PTPRT: variants seen among roughly 807,000 people sequenced by gnomAD.
PTPRT encodes protein tyrosine phosphatase receptor type T, also known as receptor-type tyrosine-protein phosphatase T.
In PTPRT, 56 loss-of-function variants were observed where a neutral mutation model predicts 176.8. The observed-to-expected ratio is 0.32, with a 90% CI of 0.26 to 0.40. The LOEUF (loss-of-function observed/expected upper bound fraction) is 0.40. Among genes scored for constraint, PTPRT ranks in the 10% least tolerant of loss-of-function variants. PTPRT has a pLI of 1.00. For missense variants in PTPRT, 1,540 were observed against 1,908.2 expected, an observed-to-expected ratio of 0.81 and a Z score of 3.60; for synonymous variants, 783 against 739.0, an observed-to-expected ratio of 1.06 and a Z score of -0.96.
intron 27 of PTPRT, among the ~76,000 whole-genome samples, chr20:42,090,546 G>A (rs980495506): frequency 1.3e-4 from 20 of 152,148 alleles, no homozygotes; most frequent in African/African-American, 3.6e-4. Context: ...ATAATAGCAT[G>A]TAAAATGCAT....
chr20:42,362,816 A>G (rs1330490935), intron 9 of PTPRT, among the ~76,000 whole-genome samples: 1 of 152,170 alleles, frequency 6.6e-6, no homozygotes, highest in Non-Finnish European at 1.5e-5. Flanking sequence ...TTTTAAAATT[A>G]AATATTGAGC....
rs144082807 is a variant in PTPRT, at chr20:42,225,556, G to A, written c.2342+10673C>T. ...TTTGCCTTTTTAAGTTTTTTTCCTAGCATGCTATCAAATTAAGTTATGAAA... is the reference window on the plus strand; with the variant it reads ...TTTGCCTTTTTAAGTTTTTTTCCTAACATGCTATCAAATTAAGTTATGAAA... On this transcript the variant is annotated intron_variant, in intron 15 of 30. Transcript: ENST00000373187. 6.0e-3 allele frequency among the ~76,000 whole-genome samples: 905 copies of A among 151,956 alleles called. 11 individuals carry two copies. Among genetic ancestry groups the A allele is most frequent in the African/African-American group, 0.021 (855 of 41,420 alleles).
chr20:42,204,574 T>C (rs958951540), intron 15 of PTPRT, among the ~76,000 whole-genome samples: 1 of 152,222 alleles, frequency 6.6e-6, no homozygotes, highest in Non-Finnish European at 1.5e-5. Context: ...ATCCAAAGTT[T>C]ACTGCTTCTG....
intron 1 of PTPRT, among the ~76,000 whole-genome samples, chr20:43,088,333 G>GGGGTGTGT (rs1478715742): frequency 1.4e-5 from 2 of 142,758 alleles, no homozygotes; most frequent in Non-Finnish European, 3.1e-5. Context: ...TTTGCTTTGG[G>GGGGTGTGT]GTGTGTGTGT....
chr20:43,001,874 ACAAAC>A (rs1424211925), intron 1 of PTPRT, among the ~76,000 whole-genome samples: 24 of 146,088 alleles, frequency 1.6e-4, no homozygotes, highest in Non-Finnish European at 2.2e-4. Context: ...AAACAAACAA[ACAAAC>A]AAAAAAACAA....
chr20:42,059,056 G>A, the PTPRT span, among the ~76,000 whole-genome samples: 1 of 152,182 alleles, frequency 6.6e-6, no homozygotes, highest in Non-Finnish European at 1.5e-5. Context: ...TTTGCCAAAA[G>A]CTTTCCAGTG....
At chr20:42,832,700 G>GA (rs60235829) in intron 2 of PTPRT, among the ~76,000 whole-genome samples, 843 of 75,476 alleles carry the variant, frequency 0.011, 2 homozygotes, top group Non-Finnish European at 0.015. Flanking sequence ...AATACAGAAA[G>GA]AAAAAAAAAA....
At chr20:42,590,302 A>G (rs2073546503) in intron 7 of PTPRT, among the ~76,000 whole-genome samples, 1 of 152,076 alleles carries the variant, frequency 6.6e-6, no homozygotes, top group South Asian at 2.1e-4. Flanking sequence ...AAATGAAGCC[A>G]CCTACCTGAG....
intron 11 of PTPRT, among the ~76,000 whole-genome samples, chr20:42,329,468 T>C (rs904173238): frequency 6.8e-6 from 1 of 146,676 alleles, no homozygotes; most frequent in African/African-American, 2.5e-5. Flanking sequence ...ACCAAGAATA[T>C]AGTGGCACAC....
rs2058293783 is a variant in PTPRT at position 42,352,182 on chromosome 20, C to T, written c.1664G>A (p.Gly555Asp). 3 of 1,614,058 alleles carry T rather than the reference C, an allele frequency of 1.9e-6. No homozygotes were observed. The South Asian group carries it at 3.3e-5, about 18-fold the overall frequency. The change falls in exon 10 of 31, where the codon GGT becomes GAT. Residue 555 changes from glycine to aspartate, a missense_variant. By Grantham distance (94) the Gly-to-Asp change is moderately conservative. This residue lies in a region of PTPRT where 136 missense variants were observed against 135.0 expected (regional missense o/e 1.01). Coordinates refer to ENST00000373187, the MANE Select transcript of PTPRT (RefSeq NM_007050.6). Reference sequence around the variant, plus strand: ...GGAATAGGTGGTCCCTGGGTACAGACCCACAAAGAGGTGGTGGGTTTCATT... The same window carrying T: ...GGAATAGGTGGTCCCTGGGTACAGATCCACAAAGAGGTGGTGGGTTTCATT... ...LRNETHHLFVGLYPGTTYSFT... is the reference protein window; with the variant it reads ...LRNETHHLFVDLYPGTTYSFT...
chr20:42,558,187 G>A (rs572139163), intron 7 of PTPRT, among the ~76,000 whole-genome samples: 34 of 152,068 alleles, frequency 2.2e-4, no homozygotes, highest in Non-Finnish European at 4.0e-4. Flanking sequence ...TCCCCTCTAT[G>A]TGTCCATGTG....
intron 1 of PTPRT, among the ~76,000 whole-genome samples, chr20:43,169,952 T>C (rs1018446614): frequency 6.6e-6 from 1 of 152,152 alleles, no homozygotes; most frequent in Non-Finnish European, 1.5e-5. Flanking sequence ...AGAGGCTCTT[T>C]AGCTTCTTTC....
At chr20:42,854,108 T>C (rs576546150) in intron 2 of PTPRT, among the ~76,000 whole-genome samples, 3 of 152,316 alleles carry the variant, frequency 2.0e-5, no homozygotes, top group African/African-American at 4.8e-5. Flanking sequence ...ACAACATGAC[T>C]CTGGATCTCC....
intron 1 of PTPRT, among the ~76,000 whole-genome samples, chr20:43,068,698 G>T (rs1854774990): frequency 6.6e-6 from 1 of 152,046 alleles, no homozygotes; most frequent in Non-Finnish European, 1.5e-5. Context: ...TGCCATGAGA[G>T]AAGAAAGGAG....
intron 7 of PTPRT, among the ~76,000 whole-genome samples, chr20:42,580,339 A>T (rs2073348489): frequency 6.6e-6 from 1 of 152,072 alleles, no homozygotes; most frequent in Non-Finnish European, 1.5e-5. Flanking sequence ...AGGTAGCGTG[A>T]TGCCTCCAGC....
At chr20:42,639,563 C>G (rs1201684511) in intron 7 of PTPRT, among the ~76,000 whole-genome samples, 1 of 152,078 alleles carries the variant, frequency 6.6e-6, no homozygotes, top group Non-Finnish European at 1.5e-5. Flanking sequence ...AGGGTACATT[C>G]CCCTAGCACA....
intron 8 of PTPRT, among the ~76,000 whole-genome samples, chr20:42,456,520 C>G (rs1366141014): frequency 6.6e-6 from 1 of 151,864 alleles, no homozygotes; most frequent in East Asian, 1.9e-4. Flanking sequence ...GTTGAGGGGG[C>G]CCATTTTTAT....
chr20:43,149,028 T>A (rs1199900020), intron 1 of PTPRT, among the ~76,000 whole-genome samples: 1 of 152,198 alleles, frequency 6.6e-6, no homozygotes, highest in Non-Finnish European at 1.5e-5. Flanking sequence ...AAAATCTAGA[T>A]CCATGTTCTG....
chr20:42,759,141 C>A (rs2076879772), intron 5 of PTPRT, among the ~76,000 whole-genome samples: 1 of 152,228 alleles, frequency 6.6e-6, no homozygotes, highest in African/African-American at 2.4e-5. Flanking sequence ...ATCTTCCCCA[C>A]TGCTGAGCAA....
Sources: allele counts gnomAD v4.1 joint callset (sites outside exome capture counted in the v4.1 genomes callset), GRCh38; gene constraint gnomAD v4.1.1; regional missense constraint gnomAD v4.1.1; transcripts MANE v1.5; gene names NCBI Gene and HGNC (gene_info 2026-07-23, HGNC 2026-07-21).